The following CHUK variants were observed in gnomAD, a reference collection of about 807,000 sequenced individuals.
CHUK encodes inhibitor of nuclear factor kappa-B kinase subunit alpha.
A neutral mutation model predicts 104.8 loss-of-function variants in CHUK; 35 were observed. The observed-to-expected ratio is 0.33, with a 90% CI of 0.26 to 0.44. CHUK has a LOEUF of 0.44. CHUK is among the 20% of genes least tolerant of loss of function. The probability of loss-of-function intolerance (pLI) is 1.00; values close to 1 mark genes in which losing one functional copy is unlikely to be tolerated. For missense variants in CHUK, 663 were observed against 902.7 expected, an observed-to-expected ratio of 0.73 and a Z score of 3.40; for synonymous variants, 276 against 291.9, an observed-to-expected ratio of 0.95 and a Z score of 0.56.
At chr10:100,208,646 A>G (rs17883909) in intron 10 of CHUK, among the ~76,000 whole-genome samples, 31 of 152,200 alleles carry the variant, frequency 2.0e-4, no homozygotes, top group Middle Eastern at 3.4e-3. Flanking sequence ...TTAGCTAGGC[A>G]TGGTGGTGGG....
chr10:100,218,962 AT>A, intron 7 of CHUK, 45 bp downstream of exon 7: 4 of 1,607,784 alleles, frequency 2.5e-6, no homozygotes, highest in Non-Finnish European at 3.4e-6. Context: ...AAATGAAAAA[AT>A]TTCCATTCCC....
chr10:100,198,898 A>G (rs1461158006), intron 16 of CHUK, among the ~76,000 whole-genome samples: 1 of 152,206 alleles, frequency 6.6e-6, no homozygotes, highest in East Asian at 1.9e-4. Context: ...CTTCAAAACA[A>G]ATTTTTAACT....
chr10:100,218,092 A>G lies in CHUK; in HGVS notation c.836T>C (p.Met279Thr). Residue 279 changes from methionine to threonine, a missense_variant, in exon 9 of 21, where the codon ATG becomes ACG. By Grantham distance (81) the Met-to-Thr change is moderately conservative. This residue lies in a region of CHUK where 200 missense variants were observed against 333.0 expected (regional missense o/e 0.60). Coordinates refer to ENST00000370397, the MANE Select transcript of CHUK (RefSeq NM_001278.5). Reference sequence around the variant, plus strand: ...TCTCTGCTGAGGGTCCCAATTCAACATCAACTGTAGCCAGTTTTCCATGGG... The same window carrying G: ...TCTCTGCTGAGGGTCCCAATTCAACGTCAACTGTAGCCAGTTTTCCATGGG... ...VEPMENWLQL[M>T]LNWDPQQRGG... 6.2e-7 allele frequency: 1 copy of G among 1,613,000 alleles called. No individual in the cohort carries two copies. Among genetic ancestry groups the G allele is most frequent in the East Asian group, 2.2e-5 (1 of 44,862 alleles).
At chr10:100,193,960 A>G in intron 18 of CHUK, 24 bp downstream of exon 18, 1 of 1,603,164 alleles carries the variant, frequency 6.2e-7, no homozygotes, top group East Asian at 2.2e-5. Flanking sequence ...TGTCACATTA[A>G]ATAATTCATT....
chr10:100,222,539 C>T (rs1589598328), intron 3 of CHUK, among the ~76,000 whole-genome samples: 1 of 152,246 alleles, frequency 6.6e-6, no homozygotes. Flanking sequence ...AACACCATTG[C>T]TATAGTCCCA....
At chr10:100,215,214 C>CAAAAAAAAAAA (rs913817319) in intron 9 of CHUK, among the ~76,000 whole-genome samples, 1 of 51,586 alleles carries the variant, frequency 1.9e-5, no homozygotes, top group Admixed American at 2.5e-4. Flanking sequence ...GGCTCCATAT[C>CAAAAAAAAAAA]AAAAAAAAAA....
At chr10:100,190,716 T>C (rs1001146007) in intron 20 of CHUK, 153 bp downstream of exon 20, 24 of 705,258 alleles carry the variant, frequency 3.4e-5, no homozygotes, top group Non-Finnish European at 6.3e-5. Flanking sequence ...CAGATAAGGA[T>C]TTAAGGTTGA....
intron 1 of CHUK, 121 bp from the exon 2 acceptor site, chr10:100,226,138 CA>C: frequency 1.5e-6 from 1 of 671,336 alleles, no homozygotes; most frequent in Non-Finnish European, 2.7e-6. Flanking sequence ...TATATTTATC[CA>C]CAGCTCTCTT....
At chr10:100,217,057 T>C (rs529870703) in intron 9 of CHUK, among the ~76,000 whole-genome samples, 4 of 143,776 alleles carry the variant, frequency 2.8e-5, no homozygotes, top group African/African-American at 1.2e-4. Context: ...GGTGAGAAGA[T>C]ACACAGAAAT....
At chr10:100,194,968 T>A (rs1226574471) in intron 16 of CHUK, 3 of 156,570 alleles carry the variant, frequency 1.9e-5, no homozygotes, top group Non-Finnish European at 4.2e-5. Context: ...GAATTTCATG[T>A]TTATCCGTCT....
At position 100,229,507 on chromosome 10, in the gene CHUK, G is replaced by T; in HGVS notation, c.26C>A (p.Pro9Gln). 1.3e-6 allele frequency: 2 copies of T among 1,566,348 alleles called. No individual in the cohort carries two copies. The highest frequency in any genetic ancestry group is 1.7e-6 in the Non-Finnish European group (2 of 1,160,730). Residue 9 changes from proline to glutamine, a missense_variant, in exon 1 of 21, where the codon CCG (proline) becomes CAG (glutamine). By Grantham distance (76) the Pro-to-Gln change is moderately conservative (BLOSUM62 -1). Transcript: ENST00000370397. MERPPGLR[P>Q]GAGGPWEMRE... ...CATCTCCCAGGGCCCGCCCGCGCCCGGCCGCAGCCCCGGGGGCCGCTCCAT... is the reference window on the plus strand; with the variant it reads ...CATCTCCCAGGGCCCGCCCGCGCCCTGCCGCAGCCCCGGGGGCCGCTCCAT...
downstream of CHUK, chr10:100,187,583 A>G (rs1004390475): frequency 5.9e-5 from 9 of 152,230 alleles, no homozygotes; most frequent in African/African-American, 2.2e-4. Context: ...AATGAAATGT[A>G]TACAATTCAC....
intron 9 of CHUK, among the ~76,000 whole-genome samples, chr10:100,215,333 C>A (rs1004839126): frequency 6.6e-6 from 1 of 151,334 alleles, no homozygotes; most frequent in African/African-American, 2.4e-5. Flanking sequence ...AGTTATACAG[C>A]AGTTATAAGT....
chr10:100,224,803 AT>A (rs1288499977), intron 2 of CHUK, among the ~76,000 whole-genome samples: 2 of 152,146 alleles, frequency 1.3e-5, no homozygotes, highest in East Asian at 3.9e-4. Flanking sequence ...ATAGCATAAA[AT>A]TTACCACCTT....
chr10:100,209,502 T>G, intron 10 of CHUK, 93 bp downstream of exon 10: 1 of 785,096 alleles, frequency 1.3e-6, no homozygotes, highest in Non-Finnish European at 2.2e-6. Context: ...ATGTGCGGCC[T>G]CCCAAGGAAT....
chr10:100,201,783 G>A (rs952188973), intron 14 of CHUK, among the ~76,000 whole-genome samples: 3 of 152,184 alleles, frequency 2.0e-5, no homozygotes, highest in Admixed American at 6.5e-5. Context: ...AGCCTGGGAA[G>A]TCGAGGCTGC....
In CHUK at chr10:100,190,020, CTTT is replaced by C. The variant is rs10549639; in HGVS notation, c.2209-396_2209-394del. On this transcript the variant is annotated intron_variant, in intron 20 of 20. Coordinates refer to ENST00000370397, the MANE Select transcript of CHUK (RefSeq NM_001278.5). The stretch of plus-strand genomic sequence containing the variant: ...TGTCATATGGCTGGCCACCATTATC[CTTT>C]TTTTTTTTTTTTTTCCCCGAGACAA... 5.8e-4 allele frequency: 79 copies of C among 136,634 alleles called. 1 individual carries two copies. Among genetic ancestry groups the C allele is most frequent in the East Asian group, 2.1e-3 (10 of 4,782 alleles). The allele number at this position is 136,634 out of a possible 1,614,324, so 8.5% of individuals were successfully genotyped here.
intron 9 of CHUK, among the ~76,000 whole-genome samples, chr10:100,212,521 C>A (rs1160009951): frequency 6.6e-6 from 1 of 152,092 alleles, no homozygotes; most frequent in Non-Finnish European, 1.5e-5. Context: ...GCATGAGTTT[C>A]TTATAAATTT....
intron 10 of CHUK, 73 bp downstream of exon 10, chr10:100,209,522 G>C (rs1272908558): frequency 1.1e-6 from 1 of 889,066 alleles, no homozygotes. Context: ...TTCCAAGTAT[G>C]CATAAAAATT....
Sources: allele counts gnomAD v4.1 joint callset (sites outside exome capture counted in the v4.1 genomes callset), GRCh38; gene constraint gnomAD v4.1.1; regional missense constraint gnomAD v4.1.1; transcripts MANE v1.5; gene names NCBI Gene and HGNC (gene_info 2026-07-23, HGNC 2026-07-21).